RAB11FIP4: variants seen among roughly 807,000 people sequenced by gnomAD.
RAB11FIP4 encodes RAB11 family interacting protein 4.
In RAB11FIP4, 23 loss-of-function variants were observed where a neutral mutation model predicts 74.3. That is an observed-to-expected ratio of 0.31 (90% CI 0.22 to 0.44). The LOEUF is 0.44. Among genes scored for constraint, RAB11FIP4 ranks in the 20% least tolerant of loss-of-function variants. The probability of loss-of-function intolerance (pLI) is 1.00; values close to 1 mark genes in which losing one functional copy is unlikely to be tolerated. For missense variants in RAB11FIP4, 630 were observed against 863.9 expected (o/e 0.73, Z 3.39); for synonymous variants, 360 against 359.9 (o/e 1.00, Z 0.00).
chr17:31,428,768 G>A (rs753937499), intron 1 of RAB11FIP4, among the ~76,000 whole-genome samples: 31 of 152,092 alleles, frequency 2.0e-4, no homozygotes, highest in Non-Finnish European at 3.4e-4. Context: ...AGTTTTAGAA[G>A]CAGTTTTAGA....
intron 3 of RAB11FIP4, among the ~76,000 whole-genome samples, chr17:31,496,281 G>A (rs563939445): frequency 9.8e-4 from 150 of 152,306 alleles, no homozygotes; most frequent in Middle Eastern, 3.4e-3. Flanking sequence ...AAAGTAGAGC[G>A]ACCTCTCTGA....
At chr17:31,481,613 C>T (rs188048110) in intron 3 of RAB11FIP4, among the ~76,000 whole-genome samples, 21 of 152,168 alleles carry the variant, frequency 1.4e-4, no homozygotes, top group South Asian at 2.1e-4. Context: ...TAGAGGAAAA[C>T]GAAGTTTTTC....
intron 3 of RAB11FIP4, among the ~76,000 whole-genome samples, chr17:31,489,130 G>GTC (rs1177922838): frequency 2.6e-5 from 4 of 152,210 alleles, no homozygotes; most frequent in African/African-American, 9.7e-5. Context: ...TCTGGGTCCT[G>GTC]TCTCTGCACT....
At chr17:31,439,713 C>T (rs1267001658) in intron 3 of RAB11FIP4, among the ~76,000 whole-genome samples, 3 of 152,336 alleles carry the variant, frequency 2.0e-5, no homozygotes, top group Admixed American at 6.5e-5. Flanking sequence ...CGGGCTCAAG[C>T]GATCCACCTG....
In RAB11FIP4 at chr17:31,528,605, T is replaced by G. The variant is rs763444176; in HGVS notation, c.1495-15T>G. ...AGCATCCCTGCTCCTGCCAACCTGC[T>G]TCTCTCCCTCGCAGCTCATCGAGGA... On this transcript the variant is annotated splice_polypyrimidine_tract_variant and intron_variant, in intron 12 of 14. Coordinates refer to ENST00000621161, the MANE Select transcript of RAB11FIP4 (RefSeq NM_032932.6). 1 of 1,613,204 alleles carries G rather than the reference T, an allele frequency of 6.2e-7. No individual in the cohort carries two copies. The highest frequency in any genetic ancestry group is 8.5e-7 in the Non-Finnish European group (1 of 1,179,634).
At chr17:31,478,169 T>C (rs545944362) in intron 3 of RAB11FIP4, among the ~76,000 whole-genome samples, 111 of 152,128 alleles carry the variant, frequency 7.3e-4, no homozygotes, top group African/African-American at 2.6e-3. Flanking sequence ...ATTTTTGTAT[T>C]TTTAGTAGAG....
chr17:31,440,204 T>C (rs992438880), intron 3 of RAB11FIP4, among the ~76,000 whole-genome samples: 5 of 152,236 alleles, frequency 3.3e-5, no homozygotes, highest in African/African-American at 7.2e-5. Flanking sequence ...TTTTTGCTTT[T>C]GGTGGGAGTA....
chr17:31,475,586 A>T (rs2142732755), intron 3 of RAB11FIP4, among the ~76,000 whole-genome samples: 1 of 152,266 alleles, frequency 6.6e-6, no homozygotes, highest in Non-Finnish European at 1.5e-5. Flanking sequence ...TGCTTGCTGA[A>T]ATTCATTTGT....
chr17:31,497,088 G>C (rs1207466415), intron 3 of RAB11FIP4, among the ~76,000 whole-genome samples: 2 of 152,204 alleles, frequency 1.3e-5, no homozygotes, highest in Non-Finnish European at 2.9e-5. Flanking sequence ...TTGTGGACAG[G>C]CACGATGGTT....
chr17:31,466,127 G>C (rs1334250437), intron 3 of RAB11FIP4, among the ~76,000 whole-genome samples: 1 of 152,126 alleles, frequency 6.6e-6, no homozygotes, highest in Non-Finnish European at 1.5e-5. Flanking sequence ...TTGGGTGACA[G>C]AGTGAGACTC....
chr17:31,395,286 C>G (rs1265209061), intron 1 of RAB11FIP4, among the ~76,000 whole-genome samples: 1 of 152,110 alleles, frequency 6.6e-6, no homozygotes. Context: ...TAGAAGAAAT[C>G]TGAATAACGT....
intron 3 of RAB11FIP4, among the ~76,000 whole-genome samples, chr17:31,458,607 A>G (rs995425864): frequency 1.2e-4 from 18 of 152,188 alleles, no homozygotes; most frequent in Admixed American, 1.2e-3. Flanking sequence ...GAGATGCATC[A>G]AGGAAAGATG....
At chr17:31,442,946 T>C (rs1305223284) in intron 3 of RAB11FIP4, among the ~76,000 whole-genome samples, 1 of 141,016 alleles carries the variant, frequency 7.1e-6, no homozygotes, top group Non-Finnish European at 1.5e-5. Flanking sequence ...GGCAACAGAG[T>C]GAGACTCTGT....
chr17:31,499,630 C>T (rs1267168016), intron 3 of RAB11FIP4, among the ~76,000 whole-genome samples: 1 of 152,214 alleles, frequency 6.6e-6, no homozygotes, highest in Non-Finnish European at 1.5e-5. Context: ...GCTGGGATTA[C>T]AGGCATGAGC....
intron 3 of RAB11FIP4, among the ~76,000 whole-genome samples, chr17:31,472,430 C>G (rs1400275094): frequency 1.3e-5 from 2 of 152,194 alleles, no homozygotes; most frequent in Non-Finnish European, 2.9e-5. Context: ...AGGCTTCATT[C>G]AGAGACACGG....
chr17:31,433,451 T>C (rs2071328213), intron 2 of RAB11FIP4, among the ~76,000 whole-genome samples: 1 of 152,186 alleles, frequency 6.6e-6, no homozygotes, highest in African/African-American at 2.4e-5. Flanking sequence ...GATTTGACAA[T>C]GGGCCACTGC....
Position 31,521,329 on chromosome 17 carries a change from T to C in RAB11FIP4, c.727T>C (p.Tyr243His). Residue 243 changes from tyrosine (Y) to histidine (H), a missense_variant, in exon 5 of 15, where the codon TAC becomes CAC. Coordinates refer to ENST00000621161, the MANE Select transcript of RAB11FIP4 (RefSeq NM_032932.6). ...CGATGATGAGACCAGGACCAACGTC[T>C]ACTCGGACCTGGGGTCTTCGGTGTC... is the stretch of plus-strand genomic sequence containing the variant. The part of the protein sequence containing the change: ...CPDDETRTNV[Y>H]SDLGSSVSSS... 6.2e-7 allele frequency: 1 copy of C among 1,613,096 alleles called. No individual in the cohort carries two copies.
intron 1 of RAB11FIP4, among the ~76,000 whole-genome samples, chr17:31,413,144 G>A (rs1335608241): frequency 6.6e-6 from 1 of 152,148 alleles, no homozygotes; most frequent in Non-Finnish European, 1.5e-5. Flanking sequence ...GAGCTTTTCA[G>A]TTTGAGTCTA....
intron 4 of RAB11FIP4, among the ~76,000 whole-genome samples, chr17:31,519,590 A>G (rs2072625242): frequency 6.6e-6 from 1 of 152,164 alleles, no homozygotes; most frequent in Admixed American, 6.5e-5. Flanking sequence ...GCCCCTTACC[A>G]GAAGGTGATG....
Sources: allele counts gnomAD v4.1 joint callset (sites outside exome capture counted in the v4.1 genomes callset), GRCh38; gene constraint gnomAD v4.1.1; transcripts MANE v1.5; gene names NCBI Gene and HGNC (gene_info 2026-07-23, HGNC 2026-07-21).